The following NOD1 variants were observed in gnomAD, a reference collection of about 807,000 sequenced individuals.
NOD1 encodes the protein nucleotide-binding oligomerization domain-containing protein 1.
In NOD1, 70 loss-of-function variants were observed where a neutral mutation model predicts 81.2. The ratio of observed to expected loss-of-function variants is 0.86; its 90% CI spans 0.71 to 1.05. The LOEUF (loss-of-function observed/expected upper bound fraction) is 1.05, where lower values mean the gene tolerates loss of function less well. Ranked by LOEUF, NOD1 falls within the 50% of genes least tolerant of loss-of-function variation. The probability of loss-of-function intolerance (pLI) is 0.00; values close to 1 mark genes in which losing one functional copy is unlikely to be tolerated. For missense variants in NOD1, 1,233 were observed against 1,228.0 expected, an observed-to-expected ratio of 1.00 and a Z score of -0.06; for synonymous variants, 508 against 526.9, an observed-to-expected ratio of 0.96 and a Z score of 0.49.
At position 30,450,051 on chromosome 7, in the gene NOD1, G is replaced by A. The variant is rs112005959; in HGVS notation, c.2201+1165C>T. Among the ~76,000 whole-genome samples, 1,272 of 152,308 alleles carry A rather than the reference G, an allele frequency of 8.4e-3. 19 individuals are homozygous for A. The highest frequency in any genetic ancestry group is 0.029 in the African/African-American group (1,209 of 41,562). ...TACTAAAAATACAAAAAACTTAGCCGGACATGGTGGCGTGTGCCTGTAATC... is the reference window on the plus strand; with the variant it reads ...TACTAAAAATACAAAAAACTTAGCCAGACATGGTGGCGTGTGCCTGTAATC... On this transcript the variant is annotated intron_variant, in intron 6 of 13. Coordinates refer to ENST00000222823, the MANE Select transcript of NOD1 (RefSeq NM_006092.4).
chr7:30,445,917 A>T (rs1477852502), intron 9 of NOD1, among the ~76,000 whole-genome samples: 1 of 152,010 alleles, frequency 6.6e-6, no homozygotes, highest in East Asian at 1.9e-4. Context: ...TAGAGAGAGT[A>T]AGTAGCAGGG....
intron 8 of NOD1, chr7:30,446,734 C>T (rs925833232): frequency 5.7e-6 from 3 of 527,064 alleles, no homozygotes; most frequent in East Asian, 3.2e-5. Flanking sequence ...CTTTCTTCGG[C>T]CTAGTAGTTA....
intron 9 of NOD1, among the ~76,000 whole-genome samples, chr7:30,445,159 C>A (rs1343008220): frequency 1.2e-5 from 1 of 85,882 alleles, no homozygotes. Flanking sequence ...ATACCTAATG[C>A]TAGATGACAC....
At chr7:30,449,163 A>G (rs1450271485) in intron 6 of NOD1, among the ~76,000 whole-genome samples, 1 of 152,250 alleles carries the variant, frequency 6.6e-6, no homozygotes, top group Non-Finnish European at 1.5e-5. Context: ...GACCTTGATA[A>G]CAAGTAAAAG....
chr7:30,454,537 AC>A (rs1471396797), intron 5 of NOD1, among the ~76,000 whole-genome samples: 5 of 152,360 alleles, frequency 3.3e-5, no homozygotes, highest in Non-Finnish European at 7.3e-5. Context: ...TAATCAGTTA[AC>A]TGATGGGGTC....
intron 6 of NOD1, among the ~76,000 whole-genome samples, 172 bp from the exon 7 acceptor site, chr7:30,448,553 C>T (rs575719156): frequency 2.0e-5 from 3 of 152,298 alleles, no homozygotes; most frequent in South Asian, 2.1e-4. Context: ...GCCTGGCCAA[C>T]GTGGGGCCGC....
At chr7:30,462,978 A>G (rs1583839994) in intron 1 of NOD1, among the ~76,000 whole-genome samples, 1 of 150,692 alleles carries the variant, frequency 6.6e-6, no homozygotes, top group East Asian at 1.9e-4. Context: ...TTTCATGCAT[A>G]TGATTCTGAA....
rs1175572254 is a variant in NOD1 at position 30,451,907 on chromosome 7, G to A, written c.1510C>T (p.Leu504=). ...QLGFLRALPE[L]GPGGDQQSYE... The stretch of plus-strand genomic sequence containing the variant: ...GACTGCTGGTCACCCCCGGGGCCCA[G>A]CTCCGGCAAAGCCCGCAGGAAGCCC... The change falls in exon 6 of 14, where the codon CTG becomes TTG. Residue 504 remains leucine, a synonymous_variant. Coordinates refer to ENST00000222823, the MANE Select transcript of NOD1 (RefSeq NM_006092.4). This position sits in a 1 kb window ranked among gnomAD's most constrained non-coding sequence, Gnocchi z 4.2. 1 of 1,613,568 alleles carries A rather than the reference G, an allele frequency of 6.2e-7. No individual in the cohort carries two copies. The highest frequency in any genetic ancestry group is 1.7e-5 in the Admixed American group (1 of 60,026).
At chr7:30,469,049 T>G in intron 1 of NOD1, 1 of 985,450 alleles carries the variant, frequency 1.0e-6, no homozygotes, top group Non-Finnish European at 1.2e-6. Flanking sequence ...AGAACACATA[T>G]GCTTGGTCAG....
chr7:30,428,448 A>G (rs1308865448), intron 13 of NOD1: 1 of 152,202 alleles, frequency 6.6e-6, no homozygotes. Flanking sequence ...TTATGCAAAC[A>G]CACACCCACT....
intron 3 of NOD1, among the ~76,000 whole-genome samples, chr7:30,458,849 G>C (rs530770684): frequency 6.6e-6 from 1 of 150,858 alleles, no homozygotes; most frequent in Non-Finnish European, 1.5e-5. Flanking sequence ...CAATTCTCCT[G>C]CATCAGCCAC....
chr7:30,437,600 C>T lies in NOD1; in HGVS notation c.2510G>A (p.Arg837Gln), dbSNP rs769123744. 17 of 1,509,944 alleles carry T rather than the reference C, an allele frequency of 1.1e-5. No individual in the cohort carries two copies. Among genetic ancestry groups the T allele is most frequent in the African/African-American group, 4.4e-5 (3 of 67,952 alleles). The allele number at this position is 1,509,944 out of a possible 1,614,324, so 93.5% of individuals were successfully genotyped here. The change falls in exon 10 of 14, where the codon CGG becomes CAG. Residue 837 changes from arginine (R) to glutamine (Q), a missense_variant. Physicochemically the swap from Arg to Gln is conservative, Grantham distance 43. Transcript: ENST00000222823. ...EGAKAFAEAL[R>Q]NHPSLTTLSL... ...CAGGGTGGTCAAGCTGGGGTGGTTCCGCAGAGCCTCTGCGAAGGCTTTTGC... is the reference window on the plus strand; with the variant it reads ...CAGGGTGGTCAAGCTGGGGTGGTTCTGCAGAGCCTCTGCGAAGGCTTTTGC...
chr7:30,431,874 G>A (rs367583429), intron 12 of NOD1, among the ~76,000 whole-genome samples: 63 of 152,310 alleles, frequency 4.1e-4, no homozygotes, highest in African/African-American at 1.5e-3. Context: ...GGAGGCTGAG[G>A]CAGGTGGATC....
chr7:30,439,735 G>T (rs1313707322), intron 9 of NOD1, among the ~76,000 whole-genome samples: 2 of 80,360 alleles, frequency 2.5e-5, no homozygotes, highest in African/African-American at 1.2e-4. Flanking sequence ...CGGGAAGCTC[G>T]AACTGGGTGG....
intron 9 of NOD1, among the ~76,000 whole-genome samples, chr7:30,439,358 CTAGGG>C (rs1784677771): frequency 7.1e-6 from 1 of 141,512 alleles, no homozygotes; most frequent in African/African-American, 2.9e-5. Flanking sequence ...GTTCATCTCA[CTAGGG>C]AGCGCCAGAC....
At chr7:30,472,773 C>G (rs1226336646) in intron 1 of NOD1, among the ~76,000 whole-genome samples, 1 of 152,222 alleles carries the variant, frequency 6.6e-6, no homozygotes, top group Non-Finnish European at 1.5e-5. Flanking sequence ...AACCAGGTCT[C>G]ACACTTCCAG....
Position 30,446,954 on chromosome 7 carries a change from C to T in NOD1, c.2369+13G>A, listed in dbSNP as rs751171624. 1.1e-5 allele frequency: 18 copies of T among 1,607,226 alleles called. No individual in the cohort carries two copies. The highest frequency in any genetic ancestry group is 1.7e-4 in the Middle Eastern group (1 of 6,050). ...GAGAATATACTAAGGAACCTGGTGCCTACCCCACTTACTTAAGATGCGTGA... is the reference window on the plus strand; with the variant it reads ...GAGAATATACTAAGGAACCTGGTGCTTACCCCACTTACTTAAGATGCGTGA... On this transcript the variant is annotated intron_variant, in intron 8 of 13. Transcript: ENST00000222823.
intron 6 of NOD1, 82 bp from the exon 7 acceptor site, chr7:30,448,463 C>G (rs772605825): frequency 4.2e-6 from 5 of 1,191,352 alleles, no homozygotes; most frequent in African/African-American, 1.5e-5. Context: ...GATCCAGAAG[C>G]CTTCAGGCCC....
chr7:30,446,860 T>C (rs922746887), intron 8 of NOD1, 107 bp downstream of exon 8: 43 of 894,806 alleles, frequency 4.8e-5, no homozygotes, highest in Non-Finnish European at 7.3e-5. Context: ...CTGGGACAAG[T>C]GGAAGGCTTT....
Sources: allele counts gnomAD v4.1 joint callset (sites outside exome capture counted in the v4.1 genomes callset), GRCh38; gene constraint gnomAD v4.1.1; non-coding constraint Gnocchi (gnomAD v3.1); transcripts MANE v1.5; gene names NCBI Gene and HGNC (gene_info 2026-07-23, HGNC 2026-07-21).